MAST3: variants seen among roughly 807,000 people sequenced by gnomAD.
The protein encoded by MAST3 is microtubule-associated serine/threonine-protein kinase 3.
In MAST3, 43 loss-of-function variants were observed where a neutral mutation model predicts 127.0. The ratio of observed to expected loss-of-function variants is 0.34; its 90% CI spans 0.27 to 0.44. MAST3 has a LOEUF of 0.44. Among genes scored for constraint, MAST3 ranks in the 20% least tolerant of loss-of-function variants. The pLI is 1.00. For synonymous variants in MAST3, 785 were observed against 809.2 expected (o/e 0.97, Z 0.51); for missense variants, 1,390 against 1,919.1 (o/e 0.72, Z 5.15).
rs745815340 is a variant in MAST3, at chr19:18,147,016, C to T, written c.3298C>T (p.Arg1100Trp). 6 of 1,570,988 alleles carry T rather than the reference C, an allele frequency of 3.8e-6. No individual in the cohort carries two copies. Among genetic ancestry groups the T allele is most frequent in the East Asian group, 2.3e-5 (1 of 43,000 alleles). The change falls in exon 26 of 28, where the codon CGG becomes TGG. Residue 1100 changes from arginine (R) to tryptophan (W), a missense_variant. Around this residue, in one of 5 missense-constraint regions of MAST3, gnomAD observed 816 missense variants for 934.1 expected, o/e 0.87. Transcript: ENST00000687212. ...KRSRRRETQD[R>W]CAAVTTRERR... ...GAGCCGTCGGCGGGAGACCCAGGAT[C>T]GGTGCGCGGCAGTGACCACCAGGGA...
At chr19:18,142,718 A>G (rs1432347164) in intron 21 of MAST3, among the ~76,000 whole-genome samples, 1 of 148,442 alleles carries the variant, frequency 6.7e-6, no homozygotes, top group Non-Finnish European at 1.5e-5. Flanking sequence ...CAGTGGCACG[A>G]TCATAGCTCA....
chr19:18,097,967 T>C, intron 1 of MAST3, 136 bp downstream of exon 1: 1 of 659,268 alleles, frequency 1.5e-6, no homozygotes, highest in Non-Finnish European at 2.1e-6. Flanking sequence ...TCAGATCGCT[T>C]CTTTTTGACC....
intron 11 of MAST3, among the ~76,000 whole-genome samples, chr19:18,126,527 T>C (rs545704435): frequency 2.6e-4 from 40 of 152,260 alleles, no homozygotes; most frequent in African/African-American, 9.1e-4. Context: ...ATCCCAGCAC[T>C]GTGGGAGGCC....
At chr19:18,132,827 G>T (rs1014831097) in intron 15 of MAST3, among the ~76,000 whole-genome samples, 5 of 152,234 alleles carry the variant, frequency 3.3e-5, no homozygotes, top group Admixed American at 3.3e-4. Context: ...TGTAGGCCAG[G>T]CTTGGTGGCT....
intron 1 of MAST3, among the ~76,000 whole-genome samples, chr19:18,104,766 C>T (rs1158138849): frequency 6.6e-6 from 1 of 152,170 alleles, no homozygotes; most frequent in African/African-American, 2.4e-5. Context: ...AAAACAGCCC[C>T]TGCCCGCGGT....
In MAST3 at chr19:18,124,728, A is replaced by G. The variant is rs1424172016; in HGVS notation, c.1032A>G (p.Pro344=). The G allele has an allele frequency of 6.2e-7, 1 of 1,610,988 alleles. No individual in the cohort carries two copies. Among genetic ancestry groups the G allele is most frequent in the Non-Finnish European group, 8.5e-7 (1 of 1,178,516 alleles). Residue 344 remains proline, a synonymous_variant, in exon 11 of 28, where the codon CCA becomes CCG. Transcript: ENST00000687212. ...REGQGIKTDL[P]QYIIGQLGLA... ...GCCAAGGCATTAAGACTGACCTTCC[A>G]CAGTACATCATTGGGCAGCTGGGCC...
rs1334476386 is a variant in MAST3 at position 18,116,482 on chromosome 19, AC to A, written c.162-5202del. ...TAATTTTGTATTTTTTTTAGTAGAGACTGGGTTTCACCTTGTTGGCCAGGCT... is the reference window on the plus strand; with the variant it reads ...TAATTTTGTATTTTTTTTAGTAGAGATGGGTTTCACCTTGTTGGCCAGGCT... On this transcript the variant is annotated intron_variant, in intron 3 of 27. Transcript: ENST00000687212. Among the ~76,000 whole-genome samples the A allele has an allele frequency of 2.0e-5, 3 of 148,030 alleles. No homozygotes were observed. The East Asian group carries it at 6.2e-4, about 30-fold the overall frequency.
Position 18,149,983 on chromosome 19 carries a change from T to TTA in MAST3, c.*258_*259insAT. The TTA allele has an allele frequency of 4.8e-6, 1 of 209,624 alleles. No homozygotes were observed. Among genetic ancestry groups the TTA allele is most frequent in the Non-Finnish European group, 8.0e-6 (1 of 125,746 alleles). The allele number at this position is 209,624 out of a possible 1,614,324, so 13.0% of individuals were successfully genotyped here. Reference sequence around the variant, plus strand: ...CTGCAACTAATTTATTACTTTTTTTTTCTTTTTTTTTTTTTTTTTTTGAGA... The same window carrying TTA: ...CTGCAACTAATTTATTACTTTTTTTTTATCTTTTTTTTTTTTTTTTTTTGAGA... On this transcript the variant is annotated 3_prime_UTR_variant, in exon 28 of 28. Coordinates refer to ENST00000687212, the MANE Select transcript of MAST3 (RefSeq NM_001393504.1). The surrounding 1 kb of genome is among the most constrained non-coding windows in gnomAD (Gnocchi z 5.9).
At chr19:18,118,120 T>A in intron 3 of MAST3, 2 of 985,260 alleles carry the variant, frequency 2.0e-6, no homozygotes, top group Non-Finnish European at 2.4e-6. Context: ...CGCCGAGGCC[T>A]CCCTTCCCGG....
chr19:18,099,466 G>T (rs1350837988), intron 1 of MAST3, among the ~76,000 whole-genome samples: 2 of 151,756 alleles, frequency 1.3e-5, no homozygotes, highest in Non-Finnish European at 2.9e-5. Context: ...GCGAATGGGG[G>T]TGCTGCTGAC....
chr19:18,138,791 ACCCGGC>A (rs2042142869), intron 19 of MAST3, among the ~76,000 whole-genome samples: 1 of 151,932 alleles, frequency 6.6e-6, no homozygotes, highest in Admixed American at 6.6e-5. Flanking sequence ...GAGCCACCGC[ACCCGGC>A]CCCACAACTT....
intron 3 of MAST3, among the ~76,000 whole-genome samples, chr19:18,111,360 CTG>C (rs1489400841): frequency 6.6e-6 from 1 of 152,008 alleles, no homozygotes; most frequent in African/African-American, 2.4e-5. Flanking sequence ...TTGGTTGACT[CTG>C]TGACTGGCCA....
chr19:18,100,112 A>T (rs11671389), intron 1 of MAST3, among the ~76,000 whole-genome samples: 30,952 of 134,188 alleles, frequency 0.23, 4,205 homozygotes, highest in Non-Finnish European at 0.26. Context: ...AGGCAGAAGG[A>T]TCTCTCTCTC....
Position 18,145,507 on chromosome 19 carries a change from G to A in MAST3, c.3040-236G>A, listed in dbSNP as rs550405213. 5.3e-5 allele frequency among the ~76,000 whole-genome samples: 8 copies of A among 152,328 alleles called. No homozygotes were observed. In the South Asian group the frequency reaches 6.2e-4, roughly 12 times the overall value. On this transcript the variant is annotated intron_variant, in intron 24 of 27. Coordinates refer to ENST00000687212, the MANE Select transcript of MAST3 (RefSeq NM_001393504.1). The surrounding 1 kb of genome is among the most constrained non-coding windows in gnomAD (Gnocchi z 5.9). ...ATCCTCCCTCTCCCAGCCCAAGGGC[G>A]TCGAGGCATGCCCTCCCTATTGGTT...
chr19:18,124,876 C>A, intron 11 of MAST3, 102 bp downstream of exon 11: 1 of 1,397,370 alleles, frequency 7.2e-7, no homozygotes, highest in Admixed American at 2.7e-5. Context: ...GAAGCTAAGG[C>A]GGGCAGATCA....
At position 18,141,869 on chromosome 19, in the gene MAST3, T is replaced by A. The variant is rs767866528; in HGVS notation, c.2206-13T>A. ...CCGCACCCGGCTTACCATTCTTTTG[T>A]CTTGCCTCCCAGGTCTACAGCAGCT... On this transcript the variant is annotated splice_polypyrimidine_tract_variant and intron_variant, in intron 20 of 27. Coordinates refer to ENST00000687212, the MANE Select transcript of MAST3 (RefSeq NM_001393504.1). 5.4e-5 allele frequency: 76 copies of A among 1,407,488 alleles called. No homozygotes were observed. The highest frequency in any genetic ancestry group is 6.4e-5 in the Non-Finnish European group (68 of 1,065,182). 87.2% of individuals were successfully genotyped at this position (1,407,488 alleles called of 1,614,324 possible).
chr19:18,149,716 G>A lies in MAST3; in HGVS notation c.4034G>A (p.Gly1345Glu), dbSNP rs2043394788. 6.2e-7 allele frequency: 1 copy of A among 1,612,374 alleles called. No homozygotes were observed. The highest frequency in any genetic ancestry group is 1.1e-5 in the South Asian group (1 of 90,968). Residue 1345 changes from glycine (G) to glutamate (E), a missense_variant, in exon 28 of 28, where the codon GGA (glycine) becomes GAA (glutamate). Around this residue, in one of 5 missense-constraint regions of MAST3, gnomAD observed 816 missense variants for 934.1 expected, o/e 0.87. Transcript: ENST00000687212. The surrounding 1 kb of genome is among the most constrained non-coding windows in gnomAD (Gnocchi z 5.9). ...GTGCCAGTAGCTCTCGGGCCCACCGGAAGAGACTGATCCCCTGCCAGGTCT... is the reference window on the plus strand; with the variant it reads ...GTGCCAGTAGCTCTCGGGCCCACCGAAAGAGACTGATCCCCTGCCAGGTCT... ...EAVPVALGPT[G>E]RD is the part of the protein sequence containing the mutation.
intron 3 of MAST3, among the ~76,000 whole-genome samples, chr19:18,121,057 T>C (rs2039912948): frequency 1.3e-5 from 2 of 151,996 alleles, no homozygotes; most frequent in South Asian, 4.2e-4. Context: ...GGTTTCACCA[T>C]GTTTACCAGG....
intron 20 of MAST3, among the ~76,000 whole-genome samples, chr19:18,141,537 T>C (rs2042491454): frequency 6.6e-6 from 1 of 151,952 alleles, no homozygotes; most frequent in African/African-American, 2.4e-5. Flanking sequence ...CACGCCCAGC[T>C]AATTTTTGTA....
Sources: allele counts gnomAD v4.1 joint callset (sites outside exome capture counted in the v4.1 genomes callset), GRCh38; gene constraint gnomAD v4.1.1; regional missense constraint gnomAD v4.1.1; non-coding constraint Gnocchi (gnomAD v3.1); transcripts MANE v1.5; gene names NCBI Gene and HGNC (gene_info 2026-07-23, HGNC 2026-07-21).